SH3BGRL2: variants seen among roughly 807,000 people sequenced by gnomAD.
The protein encoded by SH3BGRL2 is SH3 domain binding glutamate rich protein like 2.
In SH3BGRL2, 21 loss-of-function variants were observed where a neutral mutation model predicts 14.8. The observed-to-expected ratio is 1.42, with a 90% confidence interval of 1.01 to 2.05. The LOEUF (loss-of-function observed/expected upper bound fraction) is 2.05. Ranked by LOEUF, SH3BGRL2 falls within the 30% of genes most tolerant of loss-of-function variation. The probability of loss-of-function intolerance (pLI) is 0.00; values close to 1 mark genes in which losing one functional copy is unlikely to be tolerated. For synonymous variants in SH3BGRL2, 50 were observed against 47.8 expected (o/e 1.05, Z -0.19); for missense variants, 147 against 130.8 (o/e 1.12, Z -0.61).
At chr6:79,625,704 C>T in the SH3BGRL2 span, among the ~76,000 whole-genome samples, 2 of 152,218 alleles carry the variant, frequency 1.3e-5, no homozygotes, top group African/African-American at 4.8e-5. Flanking sequence ...CTAACACTTA[C>T]TGAGTCCTAA....
At chr6:79,685,976 C>T (rs1347212213) in intron 2 of SH3BGRL2, among the ~76,000 whole-genome samples, 1 of 152,110 alleles carries the variant, frequency 6.6e-6, no homozygotes, top group Non-Finnish European at 1.5e-5. Context: ...ACCTAGTAAA[C>T]CTTCTGAATG....
chr6:79,557,099 C>T, the SH3BGRL2 span, among the ~76,000 whole-genome samples: 104 of 151,698 alleles, frequency 6.9e-4, no homozygotes, highest in African/African-American at 2.2e-3. Context: ...CAAGATAAAA[C>T]GTCAATTTAT....
intron 1 of SH3BGRL2, among the ~76,000 whole-genome samples, chr6:79,636,894 T>G (rs2127722712): frequency 6.6e-6 from 1 of 152,312 alleles, no homozygotes; most frequent in African/African-American, 2.4e-5. Context: ...CATCTTACCT[T>G]GATTATCTGC....
chr6:79,610,479 C>T, the SH3BGRL2 span, among the ~76,000 whole-genome samples: 1 of 152,216 alleles, frequency 6.6e-6, no homozygotes, highest in Non-Finnish European at 1.5e-5. Context: ...CTCTTATCTT[C>T]ATAAATGCTC....
chr6:79,611,147 A>G, the SH3BGRL2 span, among the ~76,000 whole-genome samples: 1 of 152,138 alleles, frequency 6.6e-6, no homozygotes, highest in Non-Finnish European at 1.5e-5. Context: ...GGGACCCAGT[A>G]TACTCTGAAC....
the SH3BGRL2 span, among the ~76,000 whole-genome samples, chr6:79,557,076 G>A: frequency 6.6e-6 from 1 of 151,414 alleles, no homozygotes; most frequent in Non-Finnish European, 1.5e-5. Context: ...TTCTGCCTAC[G>A]TGAAAAAACA....
chr6:79,699,701 G>A lies in SH3BGRL2; in HGVS notation c.*192G>A. 1 of 743,186 alleles carries A rather than the reference G, an allele frequency of 1.3e-6. No homozygotes were observed. The highest frequency in any genetic ancestry group is 1.9e-6 in the Non-Finnish European group (1 of 514,826). 46.0% of individuals were successfully genotyped at this position (743,186 alleles called of 1,614,324 possible). On this transcript the variant is annotated 3_prime_UTR_variant, in exon 4 of 4. Transcript: ENST00000369838. Reference sequence around the variant, plus strand: ...ATGATTGCTTTAAACCAAATCAGGTGGTGGATTTTTTTTTTCTTATTCTAT... The same window carrying A: ...ATGATTGCTTTAAACCAAATCAGGTAGTGGATTTTTTTTTTCTTATTCTAT...
the SH3BGRL2 span, among the ~76,000 whole-genome samples, chr6:79,562,139 C>T: frequency 9.4e-3 from 1,425 of 152,072 alleles, 11 homozygotes; most frequent in Non-Finnish European, 0.014. Flanking sequence ...GTTTCTGTAC[C>T]TTCTCACAAA....
At chr6:79,619,593 C>T in the SH3BGRL2 span, among the ~76,000 whole-genome samples, 10 of 152,314 alleles carry the variant, frequency 6.6e-5, no homozygotes, top group East Asian at 1.7e-3. Flanking sequence ...ATGCCAGGTA[C>T]AGCTGACTCC....
At chr6:79,694,051 C>G (rs947074683) in intron 2 of SH3BGRL2, among the ~76,000 whole-genome samples, 1 of 152,114 alleles carries the variant, frequency 6.6e-6, no homozygotes, top group African/African-American at 2.4e-5. Flanking sequence ...CATGAATTGT[C>G]GTTAAGACCT....
intron 1 of SH3BGRL2, among the ~76,000 whole-genome samples, chr6:79,658,992 T>C (rs529151919): frequency 3.9e-5 from 6 of 152,312 alleles, no homozygotes; most frequent in African/African-American, 1.2e-4. Flanking sequence ...TGGGGTTGTT[T>C]TTTTCTTGTA....
chr6:79,541,914 C>G, the SH3BGRL2 span, among the ~76,000 whole-genome samples: 1 of 152,304 alleles, frequency 6.6e-6, no homozygotes, highest in South Asian at 2.1e-4. Flanking sequence ...GTTCCCCAGT[C>G]TGTAAATACA....
intron 1 of SH3BGRL2, among the ~76,000 whole-genome samples, chr6:79,631,769 G>A (rs1468413804): frequency 6.6e-6 from 1 of 152,238 alleles, no homozygotes; most frequent in African/African-American, 2.4e-5. Context: ...TCCGAGGGAA[G>A]CCCCCAGCTC....
Position 79,693,265 on chromosome 6 carries a change from A to G in SH3BGRL2, c.232-3220A>G, listed in dbSNP as rs1279225441. Among the ~76,000 whole-genome samples the G allele has an allele frequency of 7.2e-5, 11 of 152,222 alleles. No homozygotes were observed. The South Asian group carries it at 2.1e-3, about 29-fold the overall frequency. On this transcript the variant is annotated intron_variant, in intron 2 of 3. Coordinates refer to ENST00000369838, the MANE Select transcript of SH3BGRL2 (RefSeq NM_031469.4). The stretch of plus-strand genomic sequence containing the variant: ...GCTGAAGGAGATTTTGGGCTGAGAC[A>G]ATGGGGTTTTCTAGATATACAATCA...
At chr6:79,672,423 T>A (rs1332718867) in intron 1 of SH3BGRL2, among the ~76,000 whole-genome samples, 1 of 152,206 alleles carries the variant, frequency 6.6e-6, no homozygotes, top group African/African-American at 2.4e-5. Flanking sequence ...TTCTCCATTT[T>A]TTTTTAAAGT....
the SH3BGRL2 span, among the ~76,000 whole-genome samples, chr6:79,620,311 GA>G: frequency 7.3e-5 from 11 of 151,536 alleles, no homozygotes; most frequent in Middle Eastern, 3.4e-3. Context: ...TAAATTTAAA[GA>G]TTTTTTTTTT....
chr6:79,654,533 T>G (rs553885981), intron 1 of SH3BGRL2, among the ~76,000 whole-genome samples: 19 of 152,344 alleles, frequency 1.2e-4, no homozygotes, highest in Non-Finnish European at 2.2e-4. Flanking sequence ...TGAAATGCTT[T>G]TGTTGTTCCA....
the SH3BGRL2 span, among the ~76,000 whole-genome samples, chr6:79,586,320 T>G: frequency 1.3e-5 from 2 of 149,210 alleles, no homozygotes; most frequent in Admixed American, 6.7e-5. Flanking sequence ...CAATTCTTCT[T>G]CCAATATGGA....
the SH3BGRL2 span, among the ~76,000 whole-genome samples, chr6:79,604,398 A>AG: frequency 1.3e-5 from 2 of 152,100 alleles, no homozygotes; most frequent in Non-Finnish European, 2.9e-5. Flanking sequence ...TTTTTTTCTC[A>AG]TTTATCAGGT....
Sources: gnomAD v4.1 joint callset for allele counts (sites outside exome capture counted in the v4.1 genomes callset) on GRCh38, gnomAD v4.1.1 for gene constraint, MANE v1.5 for transcripts, NCBI Gene and HGNC (gene_info 2026-07-23, HGNC 2026-07-21) for gene names.